Variants in ZFYVE9 observed in about 807,000 individuals in gnomAD.
ZFYVE9 encodes zinc finger FYVE domain-containing protein 9.
A neutral mutation model predicts 126.7 loss-of-function variants in ZFYVE9; 43 were observed. The observed-to-expected ratio is 0.34, with a 90% CI of 0.27 to 0.44. ZFYVE9 has a LOEUF of 0.44. Ranked by LOEUF, ZFYVE9 falls within the 20% of genes least tolerant of loss-of-function variation. The probability of loss-of-function intolerance (pLI) is 1.00; values close to 1 mark genes in which losing one functional copy is unlikely to be tolerated. For synonymous variants in ZFYVE9, 521 were observed against 597.4 expected (o/e 0.87, Z 1.87); for missense variants, 1,476 against 1,697.0 (o/e 0.87, Z 2.29).
intron 4 of ZFYVE9, among the ~76,000 whole-genome samples, chr1:52,249,390 G>A (rs1414583241): frequency 6.6e-6 from 1 of 152,104 alleles, no homozygotes; most frequent in Non-Finnish European, 1.5e-5. Flanking sequence ...TTCTCTGATG[G>A]TTAGTGATGT....
At chr1:52,189,828 G>A (rs1382472342) in intron 1 of ZFYVE9, 1 of 152,078 alleles carries the variant, frequency 6.6e-6, no homozygotes, top group African/African-American at 2.4e-5. Context: ...ATGGTGTGAG[G>A]TAGGTCCAAC....
chr1:52,200,930 C>T (rs1408213501), intron 1 of ZFYVE9, among the ~76,000 whole-genome samples: 1 of 152,172 alleles, frequency 6.6e-6, no homozygotes, highest in Non-Finnish European at 1.5e-5. Flanking sequence ...AGGCTTCTAA[C>T]TTTGTTCTTC....
At chr1:52,310,803 A>C (rs956619132) in intron 13 of ZFYVE9, among the ~76,000 whole-genome samples, 1 of 152,248 alleles carries the variant, frequency 6.6e-6, no homozygotes, top group Non-Finnish European at 1.5e-5. Context: ...CTGAAGTCTC[A>C]TGGAACGGTA....
At position 52,216,368 on chromosome 1, in the gene ZFYVE9, G is replaced by T. The variant is rs1233314037; in HGVS notation, c.-142-1G>T. ...TAATGAGCAATGTGTTTTTCCTTTA[G>T]GATCAAACAGAGCATACTGAATCAG... On this transcript the variant is annotated splice_acceptor_variant, in intron 1 of 18. Coordinates refer to ENST00000287727, the MANE Select transcript of ZFYVE9 (RefSeq NM_004799.4). LOFTEE classifies it low-confidence loss of function (5UTR_SPLICE). 2.5e-6 allele frequency: 1 copy of T among 398,258 alleles called. No homozygotes were observed. The highest frequency in any genetic ancestry group is 4.4e-6 in the Non-Finnish European group (1 of 225,952). The allele number at this position is 398,258 out of a possible 1,614,324, so 24.7% of individuals were successfully genotyped here.
chr1:52,228,035 A>C (rs1017952013), intron 2 of ZFYVE9, among the ~76,000 whole-genome samples: 1 of 151,842 alleles, frequency 6.6e-6, no homozygotes, highest in Non-Finnish European at 1.5e-5. Flanking sequence ...CTTGCTTTTG[A>C]ATTTGACTGT....
At chr1:52,341,797 C>G (rs1646439648) in intron 17 of ZFYVE9, among the ~76,000 whole-genome samples, 1 of 152,176 alleles carries the variant, frequency 6.6e-6, no homozygotes, top group Non-Finnish European at 1.5e-5. Context: ...AGGGACTCAT[C>G]CTGCATAACA....
intron 2 of ZFYVE9, among the ~76,000 whole-genome samples, chr1:52,224,447 G>A (rs1195116517): frequency 6.6e-6 from 1 of 152,134 alleles, no homozygotes. Context: ...ATTGAATTTG[G>A]CTTTGCTTTC....
intron 15 of ZFYVE9, among the ~76,000 whole-genome samples, chr1:52,336,524 T>C (rs1646391436): frequency 6.6e-6 from 1 of 151,824 alleles, no homozygotes. Context: ...GCCCAGCTAA[T>C]TTTTTTGTAT....
At chr1:52,166,286 A>G (rs1228635921) in intron 1 of ZFYVE9, among the ~76,000 whole-genome samples, 1 of 152,144 alleles carries the variant, frequency 6.6e-6, no homozygotes, top group Non-Finnish European at 1.5e-5. Context: ...TGCTTTCACT[A>G]CAGTTGTCAA....
intron 4 of ZFYVE9, among the ~76,000 whole-genome samples, chr1:52,250,286 T>C (rs1043464289): frequency 3.3e-5 from 5 of 152,226 alleles, no homozygotes; most frequent in Non-Finnish European, 7.4e-5. Context: ...TAATTTCTTT[T>C]AGCAATCTTT....
intron 1 of ZFYVE9, among the ~76,000 whole-genome samples, chr1:52,212,117 T>C (rs12402304): frequency 0.075 from 11,399 of 152,288 alleles, 556 homozygotes; most frequent in African/African-American, 0.13. Context: ...CTTTTCAGTT[T>C]TTATATTTCA....
chr1:52,305,433 AAAAC>A (rs930842051), intron 13 of ZFYVE9, among the ~76,000 whole-genome samples: 6 of 152,222 alleles, frequency 3.9e-5, no homozygotes, highest in Non-Finnish European at 5.9e-5. Context: ...CTGTCTCAAA[AAAAC>A]AAACAAACAA....
chr1:52,197,338 A>G (rs901270500), intron 1 of ZFYVE9, among the ~76,000 whole-genome samples: 6 of 152,180 alleles, frequency 3.9e-5, no homozygotes, highest in African/African-American at 1.4e-4. Context: ...AAATAGATGT[A>G]TGTGTTGAGA....
chr1:52,180,530 G>A, intron 1 of ZFYVE9: 1 of 714,548 alleles, frequency 1.4e-6, no homozygotes, highest in East Asian at 2.5e-5. Flanking sequence ...CCATGAAGAG[G>A]GACAGTGATT....
At chr1:52,286,950 A>G (rs1184523131) in intron 10 of ZFYVE9, among the ~76,000 whole-genome samples, 3 of 152,080 alleles carry the variant, frequency 2.0e-5, no homozygotes, top group South Asian at 2.1e-4. Flanking sequence ...CAACCGTGCT[A>G]TTTCCCCACA....
chr1:52,321,281 C>T (rs1447922431), intron 13 of ZFYVE9, among the ~76,000 whole-genome samples: 2 of 152,106 alleles, frequency 1.3e-5, no homozygotes, highest in South Asian at 2.1e-4. Context: ...GAACAGATGG[C>T]GCTAAAATCT....
chr1:52,233,279 G>A lies in ZFYVE9; in HGVS notation c.70+3G>A. ...AGATGAATTTGAACAAAACGAAGGT[G>A]AGAATTTATATTGGTGAATCTGTTT... On this transcript the variant is annotated splice_donor_region_variant and intron_variant, in intron 3 of 18. Transcript: ENST00000287727. 1 of 1,575,674 alleles carries A rather than the reference G, an allele frequency of 6.3e-7. No homozygotes were observed. The highest frequency in any genetic ancestry group is 8.6e-7 in the Non-Finnish European group (1 of 1,157,516).
intron 12 of ZFYVE9, among the ~76,000 whole-genome samples, chr1:52,297,444 G>A (rs1360432654): frequency 6.6e-6 from 1 of 151,664 alleles, no homozygotes; most frequent in Non-Finnish European, 1.5e-5. Flanking sequence ...TTACCTTGTT[G>A]GCCAGGCTGG....
chr1:52,237,630 C>G lies in ZFYVE9; in HGVS notation c.213C>G (p.Val71=). The change falls in exon 4 of 19, where the codon GTC becomes GTG. Residue 71 remains valine, a synonymous_variant. Transcript: ENST00000287727. ...ATGAGTCACAACCACAACTGAAAGT[C>G]TTCTCCCTGGCTCATTCAGCTCCCC... ...VSNESQPQLK[V]FSLAHSAPLT... 6.2e-7 allele frequency: 1 copy of G among 1,614,122 alleles called. No homozygotes were observed. Among genetic ancestry groups the G allele is most frequent in the Non-Finnish European group, 8.5e-7 (1 of 1,179,976 alleles).
Sources: allele counts gnomAD v4.1 joint callset (sites outside exome capture counted in the v4.1 genomes callset), GRCh38; gene constraint gnomAD v4.1.1; transcripts MANE v1.5; gene names NCBI Gene and HGNC (gene_info 2026-07-23, HGNC 2026-07-21).